The following CADPS variants were observed in gnomAD, a reference collection of about 807,000 sequenced individuals.
CADPS encodes the protein calcium dependent secretion activator.
A neutral mutation model predicts 167.3 loss-of-function variants in CADPS; 57 were observed. The ratio of observed to expected loss-of-function variants is 0.34; its 90% CI spans 0.28 to 0.42. The LOEUF (loss-of-function observed/expected upper bound fraction) is 0.42, where lower values mean the gene tolerates loss of function less well. CADPS is among the 20% of genes least tolerant of loss of function. CADPS has a pLI of 1.00. For missense variants in CADPS, 1,414 were observed against 1,738.1 expected (o/e 0.81, Z 3.32); for synonymous variants, 676 against 635.3 (o/e 1.06, Z -0.96).
At chr3:62,510,191 C>CATCTATCTATCT (rs57153814) in intron 17 of CADPS, among the ~76,000 whole-genome samples, 58,302 of 148,086 alleles carry the variant, frequency 0.39, 11,601 homozygotes, top group Admixed American at 0.43. Context: ...CCTATTTCTG[C>CATCTATCTATCT]ATCTATCTAT....
At chr3:62,644,155 T>G (rs2068022294) in intron 6 of CADPS, among the ~76,000 whole-genome samples, 1 of 152,228 alleles carries the variant, frequency 6.6e-6, no homozygotes, top group Admixed American at 6.5e-5. Context: ...TTGAACTATT[T>G]TGTTTGAACA....
Position 62,491,447 on chromosome 3 carries a change from A to G in CADPS, c.2918T>C (p.Leu973Pro). 1 of 1,614,030 alleles carries G rather than the reference A, an allele frequency of 6.2e-7. No homozygotes were observed. Among genetic ancestry groups the G allele is most frequent in the Non-Finnish European group, 8.5e-7 (1 of 1,179,946 alleles). Reference protein sequence around the residue: ...NLCNGKFHKHLQDLFAPLVVR... With the variant: ...NLCNGKFHKHPQDLFAPLVVR... ...AACAAGTGGGGCAAACAGGTCTTGCAGGTGTTTGTGAAATTTTCCATTGCA... is the reference window on the plus strand; with the variant it reads ...AACAAGTGGGGCAAACAGGTCTTGCGGGTGTTTGTGAAATTTTCCATTGCA... Residue 973 changes from leucine to proline, a missense_variant, in exon 21 of 30, where the codon CTG (leucine) becomes CCG (proline). Around this residue, in one of 6 missense-constraint regions of CADPS, gnomAD observed 529 missense variants for 629.6 expected, o/e 0.84. Transcript: ENST00000383710.
At chr3:62,431,872 A>G (rs2054040781) in intron 28 of CADPS, among the ~76,000 whole-genome samples, 1 of 150,772 alleles carries the variant, frequency 6.6e-6, no homozygotes, top group Non-Finnish European at 1.5e-5. Context: ...ATATATATAT[A>G]TAATTATATA....
intron 6 of CADPS, among the ~76,000 whole-genome samples, chr3:62,612,183 A>G (rs1352028872): frequency 1.3e-5 from 2 of 152,176 alleles, no homozygotes. Flanking sequence ...TAAATGCTAT[A>G]TAACTATGAG....
chr3:62,761,020 G>A (rs969664928), intron 2 of CADPS, among the ~76,000 whole-genome samples: 7 of 152,150 alleles, frequency 4.6e-5, no homozygotes, highest in African/African-American at 1.7e-4. Context: ...GCCACTTCTT[G>A]AGTTCACATT....
chr3:62,774,752 T>C (rs778947102), intron 1 of CADPS, among the ~76,000 whole-genome samples: 1 of 152,210 alleles, frequency 6.6e-6, no homozygotes, highest in Non-Finnish European at 1.5e-5. Context: ...GCATTCAATC[T>C]GTTGTGAAAT....
At chr3:62,767,161 TA>T (rs1476153774) in intron 1 of CADPS, among the ~76,000 whole-genome samples, 2 of 152,210 alleles carry the variant, frequency 1.3e-5, no homozygotes, top group Non-Finnish European at 2.9e-5. Context: ...TGTGAAAAGT[TA>T]AACTTTTTGT....
chr3:62,605,697 A>G (rs2060602750), intron 6 of CADPS, among the ~76,000 whole-genome samples: 1 of 152,194 alleles, frequency 6.6e-6, no homozygotes, highest in African/African-American at 2.4e-5. Flanking sequence ...TACTTGTAAA[A>G]TGGAGATGTC....
intron 3 of CADPS, among the ~76,000 whole-genome samples, chr3:62,740,371 G>A (rs1226935770): frequency 1.3e-5 from 2 of 152,130 alleles, no homozygotes; most frequent in Admixed American, 1.3e-4. Context: ...CAAAGTTAAG[G>A]GGTTGAGAAG....
intron 3 of CADPS, among the ~76,000 whole-genome samples, chr3:62,736,688 G>C (rs2079046555): frequency 1.3e-5 from 2 of 152,170 alleles, no homozygotes; most frequent in South Asian, 2.1e-4. Flanking sequence ...GACTGAATTA[G>C]ATAGAAAGAC....
At chr3:62,471,352 G>T (rs1180953263) in intron 24 of CADPS, among the ~76,000 whole-genome samples, 1 of 152,104 alleles carries the variant, frequency 6.6e-6, no homozygotes, top group Non-Finnish European at 1.5e-5. Flanking sequence ...TCTCCAACTG[G>T]GGTCTATGGT....
At chr3:62,427,731 C>T (rs1462707879) in intron 28 of CADPS, among the ~76,000 whole-genome samples, 1 of 152,040 alleles carries the variant, frequency 6.6e-6, no homozygotes, top group East Asian at 1.9e-4. Flanking sequence ...AGGATGATTT[C>T]CTAGGGCAAA....
At position 62,433,365 on chromosome 3, in the gene CADPS, A is replaced by C. The variant is rs559382758; in HGVS notation, c.3777+4739T>G. 6.6e-6 allele frequency among the ~76,000 whole-genome samples: 1 copy of C among 152,292 alleles called. No homozygotes were observed. The highest frequency in any genetic ancestry group is 2.1e-4 in the South Asian group (1 of 4,816). Reference sequence around the variant, plus strand: ...AATCCGTGCGAGGCAAAGAATACTGAGTAGCAGCCCCTTCCGAAGCTGACC... The same window carrying C: ...AATCCGTGCGAGGCAAAGAATACTGCGTAGCAGCCCCTTCCGAAGCTGACC... On this transcript the variant is annotated intron_variant, in intron 28 of 29. Transcript: ENST00000383710. The surrounding 1 kb of genome is among the most constrained non-coding windows in gnomAD (Gnocchi z 4.7).
chr3:62,808,281 G>A (rs1000355509), intron 1 of CADPS, among the ~76,000 whole-genome samples: 4 of 152,068 alleles, frequency 2.6e-5, no homozygotes, highest in Non-Finnish European at 5.9e-5. Flanking sequence ...AGAAAACTGA[G>A]GTACAAGATT....
rs1251124789 is a variant in CADPS at position 62,454,488 on chromosome 3, CT to C, written c.3637-8692del. Among the ~76,000 whole-genome samples, 3 of 152,208 alleles carry C rather than the reference CT, an allele frequency of 2.0e-5. No individual in the cohort carries two copies. In the South Asian group the frequency reaches 6.3e-4, roughly 32 times the overall value. Reference sequence around the variant, plus strand: ...AGGATTTGAACCCTAATGGGTGGGCCTGACTTCAAAGGATTCTGTACTGTAT... The same window carrying C: ...AGGATTTGAACCCTAATGGGTGGGCCGACTTCAAAGGATTCTGTACTGTAT... On this transcript the variant is annotated intron_variant, in intron 26 of 29. Coordinates refer to ENST00000383710, the MANE Select transcript of CADPS (RefSeq NM_003716.4).
chr3:62,571,936 C>T (rs2081365129), intron 8 of CADPS, among the ~76,000 whole-genome samples: 1 of 152,114 alleles, frequency 6.6e-6, no homozygotes, highest in Non-Finnish European at 1.5e-5. Flanking sequence ...TGAACTGGCA[C>T]CGATCTAGGA....
At chr3:62,448,866 G>T (rs754253288) in intron 26 of CADPS, among the ~76,000 whole-genome samples, 2 of 151,998 alleles carry the variant, frequency 1.3e-5, no homozygotes, top group South Asian at 2.1e-4. Flanking sequence ...TGCCTGCCTC[G>T]GCCTCCCAAA....
chr3:62,712,931 A>G (rs1398098728), intron 3 of CADPS, among the ~76,000 whole-genome samples: 1 of 152,188 alleles, frequency 6.6e-6, no homozygotes, highest in African/African-American at 2.4e-5. Flanking sequence ...CCATATAGTT[A>G]ATGGATGCAA....
At chr3:62,527,904 C>T (rs1402415174) in intron 13 of CADPS, among the ~76,000 whole-genome samples, 1 of 152,154 alleles carries the variant, frequency 6.6e-6, no homozygotes, top group African/African-American at 2.4e-5. Flanking sequence ...GATAACATCT[C>T]CACATCCAAA....
Sources: gnomAD v4.1 joint callset for allele counts (sites outside exome capture counted in the v4.1 genomes callset) on GRCh38, gnomAD v4.1.1 for gene constraint, gnomAD v4.1.1 regional missense constraint, Gnocchi (gnomAD v3.1) non-coding constraint, MANE v1.5 for transcripts, NCBI Gene and HGNC (gene_info 2026-07-23, HGNC 2026-07-21) for gene names.